KIF13A: variants seen among roughly 807,000 people sequenced by gnomAD.
KIF13A encodes the protein kinesin family member 13A.
Under a neutral mutation model 212.2 loss-of-function variants are expected in KIF13A, and 79 were observed. That is an observed-to-expected ratio of 0.37 (90% confidence interval 0.31 to 0.45). The LOEUF (loss-of-function observed/expected upper bound fraction) is 0.45, where lower values mean the gene tolerates loss of function less well. Among genes scored for constraint, KIF13A ranks in the 20% least tolerant of loss-of-function variants. The pLI is 1.00. For synonymous variants in KIF13A, 789 were observed against 808.6 expected (o/e 0.98, Z 0.41); for missense variants, 1,901 against 2,209.0 (o/e 0.86, Z 2.79).
chr6:17,865,096 A>G (rs1179887335), intron 4 of KIF13A, among the ~76,000 whole-genome samples: 1 of 152,212 alleles, frequency 6.6e-6, no homozygotes, highest in Non-Finnish European at 1.5e-5. Context: ...TAAAATCTGC[A>G]TTAAACAAGG....
Position 17,970,461 on chromosome 6 carries a change from T to C in KIF13A, c.146+16593A>G, listed in dbSNP as rs149086303. 1.4e-3 allele frequency among the ~76,000 whole-genome samples: 209 copies of C among 152,082 alleles called. 1 individual carries two copies. Among genetic ancestry groups the C allele is most frequent in the South Asian group, 3.3e-3 (16 of 4,816 alleles). Reference sequence around the variant, plus strand: ...CTACTAAAAATACAAAAATTATATATATATATCAGGATGCTGAGAGAGGAG... The same window carrying C: ...CTACTAAAAATACAAAAATTATATACATATATCAGGATGCTGAGAGAGGAG... On this transcript the variant is annotated intron_variant, in intron 2 of 38. Transcript: ENST00000259711.
In KIF13A at chr6:17,769,895, C is replaced by G. The variant is rs1351717096; in HGVS notation, c.4581+1219G>C. Reference sequence around the variant, plus strand: ...TATTAATGTGCGGATTCTTCTCCATCAGGAACTAGGACAGGGCTTTGGGAT... The same window carrying G: ...TATTAATGTGCGGATTCTTCTCCATGAGGAACTAGGACAGGGCTTTGGGAT... On this transcript the variant is annotated intron_variant, in intron 38 of 38. Coordinates refer to ENST00000259711, the MANE Select transcript of KIF13A (RefSeq NM_022113.6). This position sits in a 1 kb window ranked among gnomAD's most constrained non-coding sequence, Gnocchi z 5.8. 2.6e-5 allele frequency among the ~76,000 whole-genome samples: 4 copies of G among 152,084 alleles called. No homozygotes were observed. Among genetic ancestry groups the G allele is most frequent in the Admixed American group, 6.6e-5 (1 of 15,260 alleles).
chr6:17,822,985 C>T (rs1209103157), intron 16 of KIF13A, among the ~76,000 whole-genome samples: 1 of 152,108 alleles, frequency 6.6e-6, no homozygotes, highest in African/African-American at 2.4e-5. Context: ...CAGAAATTGC[C>T]AAACTTTCTC....
rs1768042076 is a variant in KIF13A, at chr6:17,855,329, T to C, written c.494+108A>G. On this transcript the variant is annotated intron_variant, in intron 6 of 38. Transcript: ENST00000259711. The surrounding 1 kb of genome is among the most constrained non-coding windows in gnomAD (Gnocchi z 4.1). ...TTTTCTGTAAATGAATGAAAACCAG[T>C]GTAGTCACCAAGAGCTTAAATACGT... 1.2e-6 allele frequency: 1 copy of C among 801,644 alleles called. No individual in the cohort carries two copies. Among genetic ancestry groups the C allele is most frequent in the Non-Finnish European group, 2.0e-6 (1 of 512,128 alleles). 49.7% of individuals were successfully genotyped at this position (801,644 alleles called of 1,614,324 possible).
In KIF13A at chr6:17,848,924, C is replaced by T. The variant is rs117546559; in HGVS notation, c.830+453G>A. 1.5e-3 allele frequency among the ~76,000 whole-genome samples: 225 copies of T among 151,856 alleles called. 4 individuals carry two copies. In the East Asian group the frequency reaches 0.04, roughly 27 times the overall value. On this transcript the variant is annotated intron_variant, in intron 9 of 38. Transcript: ENST00000259711. Reference sequence around the variant, plus strand: ...TACCTAAACAAAATCCTTATACATCCTTTTTTTTCCTTTGAGATAGTCTCA... The same window carrying T: ...TACCTAAACAAAATCCTTATACATCTTTTTTTTTCCTTTGAGATAGTCTCA...
chr6:17,810,711 T>G (rs74942544), intron 17 of KIF13A, among the ~76,000 whole-genome samples: 1 of 152,158 alleles, frequency 6.6e-6, no homozygotes, highest in East Asian at 1.9e-4. Context: ...GGGGTGTTGG[T>G]AGACAGTGAT....
chr6:17,807,492 G>A (rs1763065953), intron 18 of KIF13A, among the ~76,000 whole-genome samples: 1 of 151,790 alleles, frequency 6.6e-6, no homozygotes, highest in South Asian at 2.1e-4. Flanking sequence ...GTAAGTTTGT[G>A]GTCAGACCGG....
intron 2 of KIF13A, among the ~76,000 whole-genome samples, chr6:17,957,875 T>C (rs1778482551): frequency 6.6e-6 from 1 of 152,222 alleles, no homozygotes; most frequent in East Asian, 1.9e-4. Flanking sequence ...GACAGAGTTG[T>C]TTGGTGTTTT....
At chr6:17,937,333 A>G (rs1776551663) in intron 2 of KIF13A, among the ~76,000 whole-genome samples, 1 of 152,192 alleles carries the variant, frequency 6.6e-6, no homozygotes, top group Admixed American at 6.5e-5. Context: ...ATTCAAGAGA[A>G]AGCACACCCT....
At position 17,984,619 on chromosome 6, in the gene KIF13A, C is replaced by A. The variant is rs1781389760; in HGVS notation, c.146+2435G>T. 1 of 854,558 alleles carries A rather than the reference C, an allele frequency of 1.2e-6. No individual in the cohort carries two copies. Among genetic ancestry groups the A allele is most frequent in the Non-Finnish European group, 1.4e-6 (1 of 712,304 alleles). The allele number at this position is 854,558 out of a possible 1,614,324, so 52.9% of individuals were successfully genotyped here. A position where few individuals can be genotyped will look rare whatever the true frequency, so the allele number is the denominator to read the frequency against. On this transcript the variant is annotated intron_variant, in intron 2 of 38. Coordinates refer to ENST00000259711, the MANE Select transcript of KIF13A (RefSeq NM_022113.6). The surrounding 1 kb of genome is among the most constrained non-coding windows in gnomAD (Gnocchi z 5.0). ...TTTTTTCCCTGGACGTCAATGCATT[C>A]TCACTTGTTTTTACTGGTAAGACTG...
chr6:17,825,792 T>C lies in KIF13A; in HGVS notation c.1762A>G (p.Ile588Val), dbSNP rs1223453963. 1 of 1,613,676 alleles carries C rather than the reference T, an allele frequency of 6.2e-7. No homozygotes were observed. The highest frequency in any genetic ancestry group is 1.7e-5 in the Admixed American group (1 of 59,920). Reference sequence around the variant, plus strand: ...CCATTACTATTCAGGGTTTTCATGATAACTTCCATCTGTGCAAATTCATAG... The same window carrying C: ...CCATTACTATTCAGGGTTTTCATGACAACTTCCATCTGTGCAAATTCATAG... ...YNYEFAQMEV[I>V]MKTLNSNDPV... Residue 588 changes from isoleucine (I) to valine (V), a missense_variant, in exon 16 of 39, where the codon ATC (isoleucine) becomes GTC (valine). Transcript: ENST00000259711. This position sits in a 1 kb window ranked among gnomAD's most constrained non-coding sequence, Gnocchi z 4.5.
chr6:17,810,088 C>T (rs1763304901), intron 17 of KIF13A, among the ~76,000 whole-genome samples: 2 of 152,046 alleles, frequency 1.3e-5, no homozygotes, highest in South Asian at 2.1e-4. Context: ...AAAGGTGATA[C>T]CATTTTTCCA....
intron 9 of KIF13A, among the ~76,000 whole-genome samples, chr6:17,842,503 T>C (rs773352289): frequency 6.6e-6 from 1 of 152,198 alleles, no homozygotes; most frequent in Non-Finnish European, 1.5e-5. Flanking sequence ...AGGGAACAGC[T>C]GTTTGCCAAT....
At chr6:17,779,294 A>C (rs1760306109) in intron 32 of KIF13A, among the ~76,000 whole-genome samples, 195 bp from the exon 33 acceptor site, 2 of 118,258 alleles carry the variant, frequency 1.7e-5, no homozygotes, top group South Asian at 2.8e-4. Context: ...TTTTTGAGAC[A>C]GAGTTTCGCT....
intron 16 of KIF13A, among the ~76,000 whole-genome samples, chr6:17,820,933 A>G (rs1481413951): frequency 6.6e-6 from 1 of 152,238 alleles, no homozygotes; most frequent in Non-Finnish European, 1.5e-5. Flanking sequence ...ATTGAGGGGA[A>G]ACAGATCTTT....
intron 2 of KIF13A, among the ~76,000 whole-genome samples, chr6:17,942,664 C>T (rs1777049714): frequency 6.6e-6 from 1 of 152,104 alleles, no homozygotes; most frequent in Admixed American, 6.5e-5. Flanking sequence ...ACAGGCTTGG[C>T]TAGCTGGACA....
chr6:17,846,189 C>A (rs1325268333), intron 9 of KIF13A, among the ~76,000 whole-genome samples: 2 of 151,756 alleles, frequency 1.3e-5, no homozygotes, highest in East Asian at 3.9e-4. Context: ...CTCCTGACTT[C>A]AAGCGAGCCA....
intron 38 of KIF13A, among the ~76,000 whole-genome samples, chr6:17,767,772 C>T (rs1207618315): frequency 6.6e-6 from 1 of 152,102 alleles, no homozygotes; most frequent in Non-Finnish European, 1.5e-5. Flanking sequence ...TATTTCTTCT[C>T]GAGACCAAGG....
intron 2 of KIF13A, chr6:17,950,876 A>C: frequency 1.0e-6 from 1 of 983,572 alleles, no homozygotes; most frequent in Non-Finnish European, 1.2e-6. Flanking sequence ...AAATGATTAA[A>C]TGTGTGGGAT....
Sources: gnomAD v4.1 joint callset for allele counts (sites outside exome capture counted in the v4.1 genomes callset) on GRCh38, gnomAD v4.1.1 for gene constraint, Gnocchi (gnomAD v3.1) non-coding constraint, MANE v1.5 for transcripts, NCBI Gene and HGNC (gene_info 2026-07-23, HGNC 2026-07-21) for gene names.